GLCE: variants seen among roughly 807,000 people sequenced by gnomAD.
The protein encoded by GLCE is D-glucuronyl C5-epimerase.
A neutral mutation model predicts 47.9 loss-of-function variants in GLCE; 19 were observed. That is an observed-to-expected ratio of 0.40 (90% CI 0.28 to 0.58). The LOEUF (loss-of-function observed/expected upper bound fraction) is 0.58, where lower values mean the gene tolerates loss of function less well. Ranked by LOEUF, GLCE falls within the 20% of genes least tolerant of loss-of-function variation. The pLI is 0.48. For missense variants in GLCE, 556 were observed against 743.3 expected, an observed-to-expected ratio of 0.75 and a Z score of 2.93; for synonymous variants, 245 against 263.4, an observed-to-expected ratio of 0.93 and a Z score of 0.68.
chr15:69,209,448 C>T lies in GLCE; in HGVS notation c.-104-868C>T, dbSNP rs369018915. Among the ~76,000 whole-genome samples the T allele has an allele frequency of 5.9e-5, 9 of 152,178 alleles. No homozygotes were observed. The East Asian group carries it at 1.5e-3, about 26-fold the overall frequency. On this transcript the variant is annotated intron_variant, in intron 1 of 4. Coordinates refer to ENST00000261858, the MANE Select transcript of GLCE (RefSeq NM_015554.3). ...CCAGTTAGAGTCACACTGCAAATTT[C>T]TGTGGATTGTAGTTACAACATCAGT...
intron 3 of GLCE, among the ~76,000 whole-genome samples, chr15:69,257,242 T>G (rs1460293138): frequency 2.0e-5 from 3 of 152,204 alleles, no homozygotes; most frequent in Non-Finnish European, 4.4e-5. Context: ...GTGAAGTTAA[T>G]GGTGTGTTTA....
chr15:69,207,915 C>T (rs2052174226), intron 1 of GLCE, among the ~76,000 whole-genome samples: 1 of 151,910 alleles, frequency 6.6e-6, no homozygotes. Context: ...TTTGGAATTA[C>T]CAGTTGTTTT....
intron 2 of GLCE, among the ~76,000 whole-genome samples, chr15:69,223,000 CACCTGTCAGTTG>C (rs2140392116): frequency 6.6e-6 from 1 of 152,300 alleles, no homozygotes; most frequent in African/African-American, 2.4e-5. Flanking sequence ...TTTATTCCCA[CACCTGTCAGTTG>C]TTGGTGTCAC....
chr15:69,258,683 G>T (rs2052970150), intron 3 of GLCE, among the ~76,000 whole-genome samples: 1 of 152,034 alleles, frequency 6.6e-6, no homozygotes, highest in Admixed American at 6.5e-5. Flanking sequence ...TCACATCAGG[G>T]TTAATGGTGT....
rs1488445059 is a variant in GLCE, at chr15:69,269,037, G to A, written c.1647G>A (p.Leu549=). ...GCATGGAATCTCTTAAAGCCATGCTGCCCTTGTATGACACTGGCTCAGGAA... is the reference window on the plus strand; with the variant it reads ...GCATGGAATCTCTTAAAGCCATGCTACCCTTGTATGACACTGGCTCAGGAA... ...ERGMESLKAM[L]PLYDTGSGTI... The change falls in exon 5 of 5, where the codon CTG becomes CTA. Residue 549 remains leucine, a synonymous_variant. Transcript: ENST00000261858. 2 of 1,613,976 alleles carry A rather than the reference G, an allele frequency of 1.2e-6. No individual in the cohort carries two copies. Among genetic ancestry groups the A allele is most frequent in the East Asian group, 2.2e-5 (1 of 44,892 alleles).
chr15:69,192,415 T>C (rs2140353923), intron 1 of GLCE, among the ~76,000 whole-genome samples: 1 of 152,204 alleles, frequency 6.6e-6, no homozygotes, highest in East Asian at 1.9e-4. Flanking sequence ...TCTTTTATGT[T>C]TCTTTGTCTC....
chr15:69,268,905 C>T lies in GLCE; in HGVS notation c.1515C>T (p.Ser505=). The T allele has an allele frequency of 6.2e-7, 1 of 1,613,842 alleles. No homozygotes were observed. Among genetic ancestry groups the T allele is most frequent in the Non-Finnish European group, 8.5e-7 (1 of 1,179,746 alleles). ...ATGAAGAATATCCAACCACACCTAG[C>T]TCTTTTGTTTTAAATGGCTTTATGT... The part of the protein sequence containing the change: ...DWYEEYPTTP[S]SFVLNGFMYS... The change falls in exon 5 of 5, where the codon AGC becomes AGT. Residue 505 remains serine (S), a synonymous_variant. Transcript: ENST00000261858.
intron 2 of GLCE, among the ~76,000 whole-genome samples, chr15:69,234,408 C>T (rs1305475147): frequency 1.3e-5 from 2 of 152,048 alleles, no homozygotes; most frequent in Non-Finnish European, 2.9e-5. Flanking sequence ...GTATAATTTT[C>T]TCCTTGCCAA....
intron 2 of GLCE, among the ~76,000 whole-genome samples, chr15:69,227,090 A>G (rs1320473923): frequency 1.3e-5 from 2 of 152,098 alleles, no homozygotes; most frequent in East Asian, 3.9e-4. Context: ...GGATGTTAGT[A>G]GGGAAAAATG....
intron 1 of GLCE, among the ~76,000 whole-genome samples, chr15:69,163,989 A>G (rs553911080): frequency 1.3e-5 from 2 of 152,252 alleles, no homozygotes; most frequent in African/African-American, 4.8e-5. Flanking sequence ...AAAACATGTT[A>G]AGTTTGTTGG....
intron 2 of GLCE, among the ~76,000 whole-genome samples, chr15:69,230,188 A>G (rs1265506276): frequency 6.7e-6 from 1 of 149,480 alleles, no homozygotes; most frequent in Non-Finnish European, 1.5e-5. Context: ...AGCCTGGGTG[A>G]CAGAGAGAAA....
chr15:69,197,051 A>G (rs2052004800), intron 1 of GLCE: 3 of 324,792 alleles, frequency 9.2e-6, no homozygotes, highest in Non-Finnish European at 1.8e-5. Context: ...CAAAACCATT[A>G]CATCTGAGAA....
At chr15:69,218,066 A>C (rs2052330824) in intron 2 of GLCE, among the ~76,000 whole-genome samples, 1 of 150,794 alleles carries the variant, frequency 6.6e-6, no homozygotes, top group Non-Finnish European at 1.5e-5. Flanking sequence ...AGGCAGGAGA[A>C]TCAATTGAAC....
intron 1 of GLCE, among the ~76,000 whole-genome samples, chr15:69,181,775 CTT>C (rs778268650): frequency 8.6e-5 from 13 of 151,734 alleles, no homozygotes; most frequent in Non-Finnish European, 1.8e-4. Context: ...AGAATAGTAA[CTT>C]AAGAGAGATG....
At chr15:69,174,686 T>A (rs2051635628) in intron 1 of GLCE, among the ~76,000 whole-genome samples, 1 of 152,174 alleles carries the variant, frequency 6.6e-6, no homozygotes, top group Non-Finnish European at 1.5e-5. Context: ...ATGATTCAGT[T>A]GTTTAAATCT....
chr15:69,213,758 TGTGGTGTTTTA>T (rs1205662617), intron 2 of GLCE, among the ~76,000 whole-genome samples: 1 of 152,148 alleles, frequency 6.6e-6, no homozygotes, highest in African/African-American at 2.4e-5. Flanking sequence ...CTGCAGCTTC[TGTGGTGTTTTA>T]GTGGTGATTT....
intron 2 of GLCE, among the ~76,000 whole-genome samples, chr15:69,223,070 C>T (rs531393081): frequency 1.1e-4 from 16 of 152,242 alleles, no homozygotes; most frequent in South Asian, 2.1e-4. Context: ...CTGTTAAATG[C>T]GGTAGTCTCT....
intron 1 of GLCE, among the ~76,000 whole-genome samples, chr15:69,192,373 G>A (rs192587151): frequency 1.1e-4 from 16 of 151,732 alleles, no homozygotes; most frequent in Admixed American, 1.1e-3. Flanking sequence ...TTTATTTCAA[G>A]TATTTTTTTA....
chr15:69,256,376 C>G lies in GLCE; in HGVS notation c.570C>G (p.Cys190Trp). 1 of 1,609,022 alleles carries G rather than the reference C, an allele frequency of 6.2e-7. No homozygotes were observed. The highest frequency in any genetic ancestry group is 8.5e-7 in the Non-Finnish European group (1 of 1,177,012). Residue 190 changes from cysteine (C) to tryptophan (W), a missense_variant, in exon 3 of 5, where the codon TGC becomes TGG. Coordinates refer to ENST00000261858, the MANE Select transcript of GLCE (RefSeq NM_015554.3). ...YNVEVRDRVK[C>W]ISGVEGVPLS... ...TGGAAGTCCGAGACAGAGTCAAGTG[C>G]ATAAGTGGGGTTGAAGGTTGGTATC...
Sources: allele counts gnomAD v4.1 joint callset (sites outside exome capture counted in the v4.1 genomes callset), GRCh38; gene constraint gnomAD v4.1.1; transcripts MANE v1.5; gene names NCBI Gene and HGNC (gene_info 2026-07-23, HGNC 2026-07-21).